The following VEGFB variants were observed in gnomAD, a reference collection of about 807,000 sequenced individuals.
VEGFB encodes the protein VEGF-related factor.
VEGFB carries 24 observed loss-of-function variants against 22.5 expected under a neutral mutation model. The observed-to-expected ratio is 1.07, with a 90% CI of 0.77 to 1.50. The LOEUF (loss-of-function observed/expected upper bound fraction) is 1.50, where lower values mean the gene tolerates loss of function less well. Ranked by LOEUF, VEGFB falls within the 40% of genes most tolerant of loss-of-function variation. The probability of loss-of-function intolerance (pLI) is 0.00; values close to 1 mark genes in which losing one functional copy is unlikely to be tolerated. For synonymous variants in VEGFB, 141 were observed against 117.4 expected (o/e 1.20, Z -1.30); for missense variants, 327 against 287.8 (o/e 1.14, Z -0.99).
chr11:64,236,595 T>C (rs1334062567), intron 4 of VEGFB, among the ~76,000 whole-genome samples: 2 of 151,572 alleles, frequency 1.3e-5, no homozygotes, highest in African/African-American at 4.9e-5. Context: ...CGGGCACCTG[T>C]AGTCCCAGCT....
chr11:64,238,159 T>C (rs1471716551), intron 6 of VEGFB, among the ~76,000 whole-genome samples, 197 bp from the exon 7 acceptor site: 1 of 152,004 alleles, frequency 6.6e-6, no homozygotes, highest in African/African-American at 2.4e-5. Context: ...GCAGGGCCAG[T>C]GGGGGCTCCC....
intron 6 of VEGFB, 103 bp from the exon 7 acceptor site, chr11:64,238,253 C>A: frequency 7.0e-7 from 1 of 1,425,234 alleles, no homozygotes; most frequent in Non-Finnish European, 9.5e-7. Context: ...AGTGGTGTGG[C>A]AGGATGCTCA....
chr11:64,238,119 G>A (rs1309601200), intron 6 of VEGFB, among the ~76,000 whole-genome samples: 2 of 152,122 alleles, frequency 1.3e-5, no homozygotes, highest in East Asian at 1.9e-4. Flanking sequence ...TCCGTGTCCC[G>A]CAGTGAGGCC....
Position 64,234,933 on chromosome 11 carries a change from C to T in VEGFB, c.60+40C>T, listed in dbSNP as rs528076279. ...ACAGCGCGCCCGCCCGCCCGCCGTGCCCTCTCTCAAGGTTGGCGGAAGTGA... is the reference window on the plus strand; with the variant it reads ...ACAGCGCGCCCGCCCGCCCGCCGTGTCCTCTCTCAAGGTTGGCGGAAGTGA... On this transcript the variant is annotated intron_variant, in intron 1 of 6. Transcript: ENST00000309422. The surrounding 1 kb of genome is among the most constrained non-coding windows in gnomAD (Gnocchi z 5.3). The T allele has an allele frequency of 3.9e-6, 5 of 1,271,158 alleles. No homozygotes were observed. Among genetic ancestry groups the T allele is most frequent in the South Asian group, 5.2e-5 (2 of 38,096 alleles). 78.7% of individuals were successfully genotyped at this position (1,271,158 alleles called of 1,614,324 possible). A position where few individuals can be genotyped will look rare whatever the true frequency, so the allele number is the denominator to read the frequency against.
At chr11:64,235,366 G>GGCA in intron 1 of VEGFB, 92 bp from the exon 2 acceptor site, 1 of 1,187,898 alleles carries the variant, frequency 8.4e-7, no homozygotes, top group Non-Finnish European at 1.2e-6. Context: ...AGGTGGTGAA[G>GGCA]CCTACTGATG....
intron 4 of VEGFB, 27 bp from the exon 5 acceptor site, chr11:64,237,160 T>C: frequency 6.4e-7 from 1 of 1,572,622 alleles, no homozygotes. Flanking sequence ...CTCTTGTTTG[T>C]CTGTGTCTGT....
rs2135014933 is a variant in VEGFB, at chr11:64,236,256, C to T, written c.303C>T (p.Ile101=). Residue 101 remains isoleucine (I), a splice_region_variant and synonymous_variant, in exon 4 of 7, where the codon ATC becomes ATT. Coordinates refer to ENST00000309422, the MANE Select transcript of VEGFB (RefSeq NM_003377.5). The part of the protein sequence containing the change: ...PTGQHQVRMQ[I]LMIRYPSSQL... ...CCCTGTTCTTCTCCTGAGCACAGAT[C>T]CTCATGATCCGGTACCCGAGCAGTC... is the stretch of plus-strand genomic sequence containing the variant. The T allele has an allele frequency of 1.2e-6, 2 of 1,613,974 alleles. No individual in the cohort carries two copies. The highest frequency in any genetic ancestry group is 2.2e-5 in the East Asian group (1 of 44,880).
rs752207047 is a variant in VEGFB, at chr11:64,235,916, G to A, written c.207G>A (p.Val69=). 4 of 1,613,506 alleles carry A rather than the reference G, an allele frequency of 2.5e-6. No individual in the cohort carries two copies. The highest frequency in any genetic ancestry group is 1.7e-5 in the Admixed American group (1 of 59,994). Residue 69 remains valine (V), a synonymous_variant, in exon 3 of 7, where the codon GTG becomes GTA. Transcript: ENST00000309422. Reference sequence around the variant, plus strand: ...TGGGCACCGTGGCCAAACAGCTGGTGCCCAGCTGCGTGACTGTGCAGCGCT... The same window carrying A: ...TGGGCACCGTGGCCAAACAGCTGGTACCCAGCTGCGTGACTGTGCAGCGCT... ...ELMGTVAKQL[V]PSCVTVQRCG... is the part of the protein sequence containing the mutation.
At chr11:64,237,256 T>C in intron 5 of VEGFB, 34 bp downstream of exon 5, 3 of 1,596,166 alleles carry the variant, frequency 1.9e-6, no homozygotes, top group Non-Finnish European at 2.6e-6. Context: ...AGTAGGGGTA[T>C]GGGGAGTACA....
intron 3 of VEGFB, 102 bp from the exon 4 acceptor site, chr11:64,236,152 G>C (rs2029997530): frequency 6.5e-7 from 1 of 1,532,498 alleles, no homozygotes; most frequent in East Asian, 2.3e-5. Context: ...AGGGCTGGTG[G>C]CCAGCCTCCC....
At position 64,234,819 on chromosome 11, in the gene VEGFB, G is replaced by C. The variant is rs1947228958; in HGVS notation, c.-15G>C. On this transcript the variant is annotated 5_prime_UTR_variant, in exon 1 of 7. Transcript: ENST00000309422. This position sits in a 1 kb window ranked among gnomAD's most constrained non-coding sequence, Gnocchi z 5.3. The stretch of plus-strand genomic sequence containing the variant: ...GCGATGCGGGCGCCCCCGGCGGGCG[G>C]CCCCGGCGGGCACCATGAGCCCTCT... 3 of 1,169,774 alleles carry C rather than the reference G, an allele frequency of 2.6e-6. No homozygotes were observed. Among genetic ancestry groups the C allele is most frequent in the Non-Finnish European group, 3.2e-6 (3 of 948,660 alleles). The allele number at this position is 1,169,774 out of a possible 1,614,324, so 72.5% of individuals were successfully genotyped here. A position where few individuals can be genotyped will look rare whatever the true frequency, so the allele number is the denominator to read the frequency against.
At chr11:64,235,680 G>C in intron 2 of VEGFB, 133 bp from the exon 3 acceptor site, 1 of 1,282,938 alleles carries the variant, frequency 7.8e-7, no homozygotes, top group Non-Finnish European at 1.1e-6. Context: ...CAGGGCAGGG[G>C]AAGACAGGTT....
chr11:64,234,902 G>C lies in VEGFB; in HGVS notation c.60+9G>C. On this transcript the variant is annotated intron_variant, in intron 1 of 6. Transcript: ENST00000309422. This position sits in a 1 kb window ranked among gnomAD's most constrained non-coding sequence, Gnocchi z 5.3. ...AGCTGGCCCCCGCCCAGGTACGTGC[G>C]GCCCGACAGCGCGCCCGCCCGCCCG... is the stretch of plus-strand genomic sequence containing the variant. 7.8e-7 allele frequency: 1 copy of C among 1,282,920 alleles called. No individual in the cohort carries two copies. The highest frequency in any genetic ancestry group is 9.9e-7 in the Non-Finnish European group (1 of 1,014,314). 79.5% of individuals were successfully genotyped at this position (1,282,920 alleles called of 1,614,324 possible).
Position 64,235,845 on chromosome 11 carries a change from A to G in VEGFB, c.136A>G (p.Thr46Ala). Reference protein sequence around the residue: ...VSWIDVYTRATCQPREVVVPL... With the variant: ...VSWIDVYTRAACQPREVVVPL... ...ATGGATAGATGTGTATACTCGCGCT[A>G]CCTGCCAGCCCCGGGAGGTGGTGGT... is the stretch of plus-strand genomic sequence containing the variant. The change falls in exon 3 of 7, where the codon ACC (threonine) becomes GCC (alanine). Residue 46 changes from threonine to alanine, a missense_variant. By Grantham distance (58) the Thr-to-Ala change is moderately conservative. Transcript: ENST00000309422. The G allele has an allele frequency of 1.9e-6, 3 of 1,613,896 alleles. No homozygotes were observed. The highest frequency in any genetic ancestry group is 2.5e-6 in the Non-Finnish European group (3 of 1,179,986).
Position 64,239,198 on chromosome 11 carries a change from G to A in VEGFB, c.*865G>A, listed in dbSNP as rs1365913320. Among the ~76,000 whole-genome samples the A allele has an allele frequency of 1.3e-5, 2 of 152,156 alleles. No homozygotes were observed. The highest frequency in any genetic ancestry group is 2.4e-5 in the African/African-American group (1 of 41,442). On this transcript the variant is annotated 3_prime_UTR_variant, in exon 7 of 7. Transcript: ENST00000309422. Reference sequence around the variant, plus strand: ...GAAGATTGCTGTGGTTGGCGTCCTCGGGCCCCAGAGAAGTTTGAGACTATC... The same window carrying A: ...GAAGATTGCTGTGGTTGGCGTCCTCAGGCCCCAGAGAAGTTTGAGACTATC...
chr11:64,238,085 C>G (rs1020569616), intron 6 of VEGFB, among the ~76,000 whole-genome samples: 2 of 152,136 alleles, frequency 1.3e-5, no homozygotes, highest in African/African-American at 4.8e-5. Flanking sequence ...CCTTGTCCAC[C>G]CTTACCTGAT....
chr11:64,237,741 G>A, intron 6 of VEGFB, 86 bp downstream of exon 6: 2 of 1,227,550 alleles, frequency 1.6e-6, no homozygotes, highest in Non-Finnish European at 2.2e-6. Flanking sequence ...GCCAGTAGGA[G>A]GAGGGCCAGG....
intron 3 of VEGFB, 118 bp from the exon 4 acceptor site, chr11:64,236,136 G>T (rs540431826): frequency 6.5e-6 from 10 of 1,530,200 alleles, no homozygotes; most frequent in South Asian, 3.6e-5. Context: ...AGACAGGGTT[G>T]GGGGGAGGGC....
intron 6 of VEGFB, 63 bp from the exon 7 acceptor site, chr11:64,238,293 C>T (rs1020518865): frequency 1.3e-6 from 2 of 1,533,168 alleles, no homozygotes; most frequent in Admixed American, 2.0e-5. Context: ...CCGAGGCACA[C>T]ATGAGTCCAG....
Sources: allele counts gnomAD v4.1 joint callset (sites outside exome capture counted in the v4.1 genomes callset), GRCh38; gene constraint gnomAD v4.1.1; non-coding constraint Gnocchi (gnomAD v3.1); transcripts MANE v1.5; gene names NCBI Gene and HGNC (gene_info 2026-07-23, HGNC 2026-07-21).